CDK17: variants seen among roughly 807,000 people sequenced by gnomAD.
The protein encoded by CDK17 is cyclin-dependent kinase 17.
CDK17 carries 24 observed loss-of-function variants against 77.6 expected under a neutral mutation model. The ratio of observed to expected loss-of-function variants is 0.31; its 90% CI spans 0.22 to 0.44. The LOEUF is 0.44. Ranked by LOEUF, CDK17 falls within the 20% of genes least tolerant of loss-of-function variation. The pLI, the probability that CDK17 is intolerant of heterozygous loss-of-function variation, is 1.00. For missense variants in CDK17, 429 were observed against 622.5 expected (o/e 0.69, Z 3.31); for synonymous variants, 203 against 210.4 (o/e 0.96, Z 0.30).
chr12:96,373,309 C>T (rs73235115), intron 1 of CDK17, among the ~76,000 whole-genome samples: 32,349 of 152,124 alleles, frequency 0.21, 4,346 homozygotes, highest in Middle Eastern at 0.32. Flanking sequence ...ATTAACAGGC[C>T]AGCTGCGGTG....
At chr12:96,368,011 TATG>T (rs1414194082) in intron 1 of CDK17, among the ~76,000 whole-genome samples, 3 of 152,000 alleles carry the variant, frequency 2.0e-5, no homozygotes, top group African/African-American at 7.3e-5. Flanking sequence ...CACACTGCAG[TATG>T]ATATTTCAAG....
In CDK17 at chr12:96,317,601, C is replaced by T. The variant is rs1262337236; in HGVS notation, c.284-4147G>A. Among the ~76,000 whole-genome samples the T allele has an allele frequency of 6.1e-3, 774 of 125,950 alleles. 4 individuals carry two copies. Among genetic ancestry groups the T allele is most frequent in the Middle Eastern group, 0.011 (3 of 266 alleles). The allele number at this position is 125,950 out of a possible 152,430, so 82.6% of individuals were successfully genotyped here. ...CCCATCAGACTAACAGTGGATCTCT[C>T]GGCAGAAACCCTACAAGCCAGAAGA... On this transcript the variant is annotated intron_variant, in intron 3 of 16. Transcript: ENST00000261211.
chr12:96,317,887 C>G (rs1298156591), intron 3 of CDK17, among the ~76,000 whole-genome samples: 8 of 148,264 alleles, frequency 5.4e-5, no homozygotes, highest in Non-Finnish European at 9.0e-5. Context: ...GAAACTGCAT[C>G]AACTAATGAG....
intron 1 of CDK17, among the ~76,000 whole-genome samples, chr12:96,368,923 A>G (rs1953644009): frequency 6.6e-6 from 1 of 150,858 alleles, no homozygotes; most frequent in Non-Finnish European, 1.5e-5. Context: ...AAATGTCATG[A>G]TAGTTGCTGG....
chr12:96,316,093 G>A (rs1012544718), intron 3 of CDK17, among the ~76,000 whole-genome samples: 2 of 152,304 alleles, frequency 1.3e-5, no homozygotes, highest in Non-Finnish European at 2.9e-5. Flanking sequence ...AGGCCAGTGT[G>A]TGTGCGCACC....
intron 1 of CDK17, among the ~76,000 whole-genome samples, chr12:96,359,501 C>G (rs1345442521): frequency 3.3e-5 from 5 of 152,210 alleles, no homozygotes; most frequent in African/African-American, 7.2e-5. Context: ...TACAAACTCA[C>G]TCAAAGTGTC....
chr12:96,387,171 C>T, intron 1 of CDK17: 1 of 259,806 alleles, frequency 3.8e-6, no homozygotes, highest in Admixed American at 4.2e-5. Context: ...TGAACCATTT[C>T]ATCAAAAATC....
chr12:96,363,585 T>C (rs1010377453), intron 1 of CDK17, among the ~76,000 whole-genome samples: 3 of 152,086 alleles, frequency 2.0e-5, no homozygotes, highest in South Asian at 2.1e-4. Context: ...TGGTGGCTCA[T>C]GCCTGTAATC....
chr12:96,289,331 T>C (rs373085084), intron 10 of CDK17, 44 bp from the exon 11 acceptor site: 24 of 1,610,980 alleles, frequency 1.5e-5, no homozygotes, highest in South Asian at 3.3e-5. Context: ...AAAGCTTTAA[T>C]GGATCTCTCA....
rs1275846928 is a variant in CDK17, at chr12:96,400,056, G to A, written c.-100C>T. ...CGCGGGGGGAAGCTGCTCCGCGGAC[G>A]CCCGCGGCGACCGGATGCAAGTCCG... On this transcript the variant is annotated 5_prime_UTR_variant, in exon 1 of 17. Transcript: ENST00000261211. 4 of 387,896 alleles carry A rather than the reference G, an allele frequency of 1.0e-5. No individual in the cohort carries two copies. The highest frequency in any genetic ancestry group is 4.5e-5 in the Admixed American group (1 of 22,364). The allele number at this position is 387,896 out of a possible 1,614,324, so 24.0% of individuals were successfully genotyped here.
At chr12:96,348,108 C>T (rs567737452) in intron 1 of CDK17, among the ~76,000 whole-genome samples, 8 of 151,868 alleles carry the variant, frequency 5.3e-5, no homozygotes, top group South Asian at 2.1e-4. Flanking sequence ...AATAACCTAA[C>T]GGTACACTTT....
At chr12:96,341,747 A>T (rs10777786) in intron 1 of CDK17, among the ~76,000 whole-genome samples, 91,460 of 151,936 alleles carry the variant, frequency 0.6, 27,990 homozygotes, top group East Asian at 0.85. Context: ...ATAACAGCTA[A>T]AAATACTCCC....
chr12:96,306,104 T>C (rs1002115849), intron 5 of CDK17, among the ~76,000 whole-genome samples: 1 of 152,138 alleles, frequency 6.6e-6, no homozygotes, highest in Non-Finnish European at 1.5e-5. Context: ...GACAGTGGGA[T>C]AGCCAGACAA....
At chr12:96,316,237 G>T (rs975856991) in intron 3 of CDK17, among the ~76,000 whole-genome samples, 2 of 152,150 alleles carry the variant, frequency 1.3e-5, no homozygotes, top group African/African-American at 4.8e-5. Flanking sequence ...CGAATATTGC[G>T]CTTGTCAGAC....
At chr12:96,392,212 AAG>A (rs1274214218) in intron 1 of CDK17, among the ~76,000 whole-genome samples, 19 of 152,330 alleles carry the variant, frequency 1.2e-4, no homozygotes, top group African/African-American at 4.6e-4. Context: ...ACGTTGGAGA[AAG>A]AGACGTTTGG....
At chr12:96,295,914 G>A (rs1952398880) in intron 9 of CDK17, among the ~76,000 whole-genome samples, 1 of 152,154 alleles carries the variant, frequency 6.6e-6, no homozygotes, top group Non-Finnish European at 1.5e-5. Flanking sequence ...AGAACCTCAA[G>A]TACAGAGGAT....
At chr12:96,366,266 T>C (rs1222550689) in intron 1 of CDK17, among the ~76,000 whole-genome samples, 1 of 152,224 alleles carries the variant, frequency 6.6e-6, no homozygotes, top group Non-Finnish European at 1.5e-5. Context: ...ACCAGAGAAC[T>C]AGGCTACATC....
At chr12:96,285,066 T>C (rs558096936) in intron 13 of CDK17, among the ~76,000 whole-genome samples, 4 of 152,152 alleles carry the variant, frequency 2.6e-5, no homozygotes, top group Non-Finnish European at 5.9e-5. Context: ...GGGCACAAAC[T>C]AGGCACTAAG....
rs138452010 is a variant in CDK17 at position 96,379,746 on chromosome 12, A to G, written c.-30+20240T>C. 1.8e-4 allele frequency among the ~76,000 whole-genome samples: 27 copies of G among 152,314 alleles called. No homozygotes were observed. In the East Asian group the frequency reaches 4.6e-3, roughly 26 times the overall value. On this transcript the variant is annotated intron_variant, in intron 1 of 16. Coordinates refer to ENST00000261211, the MANE Select transcript of CDK17 (RefSeq NM_002595.5). Reference sequence around the variant, plus strand: ...GTGTCCAGAAGTAAATCTACTATTTATATCTCTTATTTCCCCAAACAAAAT... The same window carrying G: ...GTGTCCAGAAGTAAATCTACTATTTGTATCTCTTATTTCCCCAAACAAAAT...
Sources: allele counts gnomAD v4.1 joint callset (sites outside exome capture counted in the v4.1 genomes callset), GRCh38; gene constraint gnomAD v4.1.1; transcripts MANE v1.5; gene names NCBI Gene and HGNC (gene_info 2026-07-23, HGNC 2026-07-21).